The following DNAH9 variants were observed in gnomAD, a reference collection of about 807,000 sequenced individuals.
The protein encoded by DNAH9 is DNAH9 variant protein.
A neutral mutation model predicts 471.6 loss-of-function variants in DNAH9; 345 were observed. The observed-to-expected ratio is 0.73, with a 90% CI of 0.67 to 0.80. DNAH9 has a LOEUF of 0.80. Among genes scored for constraint, DNAH9 ranks in the 30% least tolerant of loss-of-function variants. The pLI is 0.00. For missense variants in DNAH9, 5,407 were observed against 5,609.2 expected (o/e 0.96, Z 1.15); for synonymous variants, 2,093 against 2,123.6 (o/e 0.99, Z 0.40).
At chr17:11,776,164 C>A (rs1388462873) in intron 38 of DNAH9, among the ~76,000 whole-genome samples, 1 of 152,024 alleles carries the variant, frequency 6.6e-6, no homozygotes, top group African/African-American at 2.4e-5. Flanking sequence ...GGCTTTTGAC[C>A]GCAAGTAGTG....
chr17:11,948,224 CTTT>C (rs1211322234), intron 67 of DNAH9, among the ~76,000 whole-genome samples: 2 of 86,746 alleles, frequency 2.3e-5, no homozygotes, highest in Non-Finnish European at 4.2e-5. Context: ...TAATCTGGCT[CTTT>C]TTTTTTTTTT....
At chr17:11,781,790 C>A (rs1312594686) in intron 39 of DNAH9, among the ~76,000 whole-genome samples, 1 of 148,972 alleles carries the variant, frequency 6.7e-6, no homozygotes, top group African/African-American at 2.5e-5. Flanking sequence ...TGAGATCATA[C>A]CACTGCACTC....
chr17:11,616,409 A>T (rs2072744899), intron 4 of DNAH9, among the ~76,000 whole-genome samples: 1 of 152,188 alleles, frequency 6.6e-6, no homozygotes. Flanking sequence ...CCACCTGATT[A>T]TCTGCCCAGG....
rs749797537 is a variant in DNAH9 at position 11,937,172 on chromosome 17, A to G, written c.12490-180A>G. ...TGGGAAACGGGTCCAGCCGACAAAA[A>G]TGGATGATGTCAAGGTGCACTAATA... On this transcript the variant is annotated intron_variant, in intron 65 of 68. Transcript: ENST00000262442. This position sits in a 1 kb window ranked among gnomAD's most constrained non-coding sequence, Gnocchi z 4.1. 7.2e-5 allele frequency among the ~76,000 whole-genome samples: 11 copies of G among 152,174 alleles called. No homozygotes were observed. Among genetic ancestry groups the G allele is most frequent in the Non-Finnish European group, 1.2e-4 (8 of 68,030 alleles).
Position 11,693,855 on chromosome 17 carries a change from T to C in DNAH9, c.4615-13T>C. 1.9e-6 allele frequency: 3 copies of C among 1,614,040 alleles called. No individual in the cohort carries two copies. The highest frequency in any genetic ancestry group is 1.3e-5 in the African/African-American group (1 of 75,052). On this transcript the variant is annotated splice_polypyrimidine_tract_variant and intron_variant, in intron 20 of 68. Coordinates refer to ENST00000262442, the MANE Select transcript of DNAH9 (RefSeq NM_001372.4). Reference sequence around the variant, plus strand: ...GGAGTGGTGGTTAATTGCTTCCACATTTTTATTTGCAGGATTCTAAAAGGT... The same window carrying C: ...GGAGTGGTGGTTAATTGCTTCCACACTTTTATTTGCAGGATTCTAAAAGGT...
chr17:11,671,042 T>G lies in DNAH9; in HGVS notation c.3353+1248T>G, dbSNP rs376993616. On this transcript the variant is annotated intron_variant, in intron 17 of 68. Coordinates refer to ENST00000262442, the MANE Select transcript of DNAH9 (RefSeq NM_001372.4). ...TAGGGCTTCCTGTGTATTCTTCCAC[T>G]TTCATGAAAGCTTTTCTTCCCTGAG... 4.4e-4 allele frequency among the ~76,000 whole-genome samples: 67 copies of G among 152,258 alleles called. No individual in the cohort carries two copies. In the South Asian group the frequency reaches 0.013, roughly 31 times the overall value.
At chr17:11,667,121 A>C (rs2073885519) in intron 15 of DNAH9, among the ~76,000 whole-genome samples, 1 of 152,210 alleles carries the variant, frequency 6.6e-6, no homozygotes, top group Non-Finnish European at 1.5e-5. Context: ...AACATATGGG[A>C]CAAAAATCTC....
chr17:11,803,867 C>T (rs1301612136), intron 43 of DNAH9, among the ~76,000 whole-genome samples: 2 of 152,208 alleles, frequency 1.3e-5, no homozygotes, highest in African/African-American at 4.8e-5. Flanking sequence ...CTTTCCTGCC[C>T]CAACTTTTCT....
chr17:11,778,346 A>G (rs1349102317), intron 38 of DNAH9, among the ~76,000 whole-genome samples: 41 of 137,716 alleles, frequency 3.0e-4, no homozygotes, highest in Non-Finnish European at 4.5e-4. Flanking sequence ...AAAAAAAAAA[A>G]AAAAAAAAAA....
chr17:11,795,175 C>T (rs1184857842), intron 42 of DNAH9, among the ~76,000 whole-genome samples: 1 of 152,108 alleles, frequency 6.6e-6, no homozygotes, highest in Admixed American at 6.5e-5. Flanking sequence ...AAAATTCTTT[C>T]CTCTCATTAA....
rs566586334 is a variant in DNAH9, at chr17:11,746,617, C to T, written c.6400-939C>T. ...ACCACCTCCCACCAGATCCCTCCCT[C>T]GACACATGGGGATTCGAGATGAGAT... is the stretch of plus-strand genomic sequence containing the variant. On this transcript the variant is annotated intron_variant, in intron 31 of 68. Transcript: ENST00000262442. 1.5e-4 allele frequency among the ~76,000 whole-genome samples: 23 copies of T among 152,216 alleles called. No individual in the cohort carries two copies. In the South Asian group the frequency reaches 3.5e-3, roughly 23 times the overall value.
chr17:11,602,478 GCCT>G (rs896354043), intron 1 of DNAH9, among the ~76,000 whole-genome samples: 2 of 152,072 alleles, frequency 1.3e-5, no homozygotes, highest in Non-Finnish European at 2.9e-5. Context: ...GGGGCAGGTG[GCCT>G]CCTTGTTCCT....
chr17:11,708,559 T>C (rs1025685783), intron 26 of DNAH9, among the ~76,000 whole-genome samples: 1 of 152,144 alleles, frequency 6.6e-6, no homozygotes, highest in African/African-American at 2.4e-5. Flanking sequence ...AGGTGTTACT[T>C]GGGCCAATTA....
chr17:11,873,223 A>T (rs8077062), intron 52 of DNAH9, among the ~76,000 whole-genome samples: 95,724 of 152,068 alleles, frequency 0.63, 30,899 homozygotes, highest in African/African-American at 0.76. Context: ...TGAATGAAGA[A>T]GAAGAGCTCA....
At chr17:11,885,763 TTTTAG>T (rs1424414567) in intron 56 of DNAH9, among the ~76,000 whole-genome samples, 1 of 152,186 alleles carries the variant, frequency 6.6e-6, no homozygotes, top group African/African-American at 2.4e-5. Context: ...TTCTGGGTGT[TTTTAG>T]TTTAGTTTTG....
At chr17:11,666,210 C>T (rs1378434064) in intron 15 of DNAH9, among the ~76,000 whole-genome samples, 1 of 152,176 alleles carries the variant, frequency 6.6e-6, no homozygotes, top group African/African-American at 2.4e-5. Flanking sequence ...ACCAAGCCTC[C>T]TCTAATGCTG....
intron 67 of DNAH9, among the ~76,000 whole-genome samples, chr17:11,961,651 C>G (rs1976192778): frequency 6.6e-6 from 1 of 152,182 alleles, no homozygotes; most frequent in African/African-American, 2.4e-5. Flanking sequence ...GGAGGGTTTT[C>G]AAGGACCAGC....
intron 59 of DNAH9, among the ~76,000 whole-genome samples, chr17:11,901,606 G>A (rs1377814664): frequency 3.3e-5 from 5 of 152,198 alleles, no homozygotes; most frequent in Non-Finnish European, 5.9e-5. Context: ...TGAGACAGGA[G>A]AATTGCTTGA....
In DNAH9 at chr17:11,598,833, G is replaced by T. The variant is rs2072319471; in HGVS notation, c.335G>T (p.Gly112Val). The change falls in exon 1 of 69, where the codon GGG becomes GTG. Residue 112 changes from glycine to valine, a missense_variant. Transcript: ENST00000262442. ...CTTCGCACCGGGCCCGAGCCTCCAGGGCCCGACAGCTTCCGCGGCGCAGTG... is the reference window on the plus strand; with the variant it reads ...CTTCGCACCGGGCCCGAGCCTCCAGTGCCCGACAGCTTCCGCGGCGCAGTG... ...FFLRTGPEPP[G>V]PDSFRGAVVC... is the part of the protein sequence containing the mutation. The T allele has an allele frequency of 6.6e-7, 1 of 1,514,438 alleles. No homozygotes were observed. Among genetic ancestry groups the T allele is most frequent in the Non-Finnish European group, 8.8e-7 (1 of 1,136,268 alleles). 93.8% of individuals were successfully genotyped at this position (1,514,438 alleles called of 1,614,324 possible).
Sources: gnomAD v4.1 joint callset for allele counts (sites outside exome capture counted in the v4.1 genomes callset) on GRCh38, gnomAD v4.1.1 for gene constraint, Gnocchi (gnomAD v3.1) non-coding constraint, MANE v1.5 for transcripts, NCBI Gene and HGNC (gene_info 2026-07-23, HGNC 2026-07-21) for gene names.